CDH18: variants seen among roughly 807,000 people sequenced by gnomAD.
CDH18 encodes the protein cadherin-18.
In CDH18, 31 loss-of-function variants were observed where a neutral mutation model predicts 67.9. That is an observed-to-expected ratio of 0.46 (90% confidence interval 0.34 to 0.62). The LOEUF (loss-of-function observed/expected upper bound fraction) is 0.62, where lower values mean the gene tolerates loss of function less well. Among genes scored for constraint, CDH18 ranks in the 20% least tolerant of loss-of-function variants. The pLI is 0.01. For missense variants in CDH18, 890 were observed against 975.5 expected (o/e 0.91, Z 1.17); for synonymous variants, 362 against 347.2 (o/e 1.04, Z -0.48).
At chr5:20,387,332 G>C (rs1339832112) in intron 1 of CDH18, among the ~76,000 whole-genome samples, 1 of 152,110 alleles carries the variant, frequency 6.6e-6, no homozygotes, top group East Asian at 1.9e-4. Flanking sequence ...TGAAGCAACT[G>C]TGAATGGGAG....
intron 5 of CDH18, among the ~76,000 whole-genome samples, chr5:19,687,521 G>A (rs766332185): frequency 3.0e-4 from 45 of 152,260 alleles, no homozygotes; most frequent in South Asian, 8.3e-4. Context: ...AGCAAACTTC[G>A]TTGGCATAGG....
At chr5:19,885,591 G>C (rs1788106465) in intron 2 of CDH18, among the ~76,000 whole-genome samples, 1 of 152,110 alleles carries the variant, frequency 6.6e-6, no homozygotes. Context: ...ACAGGGTCTT[G>C]ATCTGTTTGC....
chr5:19,524,753 C>CT (rs986656884), intron 9 of CDH18, among the ~76,000 whole-genome samples: 10 of 151,872 alleles, frequency 6.6e-5, no homozygotes, highest in African/African-American at 9.7e-5. Flanking sequence ...ACTCTCTGCT[C>CT]TTTTTTTTCT....
intron 2 of CDH18, among the ~76,000 whole-genome samples, chr5:20,049,458 G>A (rs541066025): frequency 1.3e-5 from 2 of 151,302 alleles, no homozygotes; most frequent in East Asian, 3.9e-4. Context: ...CCCATGACAT[G>A]AGTTTACCTA....
chr5:19,852,795 G>A (rs1054937709), intron 2 of CDH18, among the ~76,000 whole-genome samples: 12 of 151,926 alleles, frequency 7.9e-5, no homozygotes, highest in Admixed American at 5.3e-4. Flanking sequence ...GTGAGAATTC[G>A]AATACTGGTT....
At chr5:19,834,440 T>C (rs1310192399) in intron 3 of CDH18, among the ~76,000 whole-genome samples, 1 of 128,954 alleles carries the variant, frequency 7.8e-6, no homozygotes, top group African/African-American at 2.9e-5. Flanking sequence ...TAGCTAACAG[T>C]CCATTTATTT....
intron 2 of CDH18, among the ~76,000 whole-genome samples, chr5:19,882,442 T>C (rs1207326470): frequency 6.6e-6 from 1 of 152,158 alleles, no homozygotes; most frequent in Non-Finnish European, 1.5e-5. Context: ...TTAATTTTCT[T>C]AGGATCATTA....
At chr5:20,245,325 C>T (rs533979280) in intron 2 of CDH18, among the ~76,000 whole-genome samples, 1 of 152,134 alleles carries the variant, frequency 6.6e-6, no homozygotes, top group Admixed American at 6.5e-5. Context: ...CATAAATATG[C>T]CTGAATTCAA....
Position 20,001,819 on chromosome 5 carries a change from A to G in CDH18, c.-517-9805T>C, listed in dbSNP as rs535305853. Among the ~76,000 whole-genome samples, 4 of 152,272 alleles carry G rather than the reference A, an allele frequency of 2.6e-5. No homozygotes were observed. In the South Asian group the frequency reaches 8.3e-4, roughly 32 times the overall value. On this transcript the variant is annotated intron_variant, in intron 2 of 14. Coordinates refer to the CDH18 transcript ENST00000507958. ...ACAGTGAAAATCAGGTTTTAAATTC[A>G]TTGTTCTGCTCAGCATTAGGCCCTC...
intron 5 of CDH18, among the ~76,000 whole-genome samples, chr5:19,672,629 T>C (rs1758908720): frequency 6.6e-6 from 1 of 152,056 alleles, no homozygotes; most frequent in Admixed American, 6.6e-5. Flanking sequence ...ATGGTATTAA[T>C]ATCCTAACAG....
At chr5:19,782,987 T>G (rs1353111246) in intron 3 of CDH18, among the ~76,000 whole-genome samples, 15 of 152,188 alleles carry the variant, frequency 9.9e-5, no homozygotes, top group Admixed American at 9.8e-4. Flanking sequence ...TCTCTACCCT[T>G]GGGAGAAGTT....
intron 1 of CDH18, among the ~76,000 whole-genome samples, chr5:20,279,371 C>CA (rs60260269): frequency 0.039 from 5,987 of 152,056 alleles, 362 homozygotes; most frequent in East Asian, 0.28. Flanking sequence ...AATATACACT[C>CA]ACCCCACACT....
At chr5:20,481,944 A>G (rs1752837247) in intron 1 of CDH18, among the ~76,000 whole-genome samples, 2 of 152,030 alleles carry the variant, frequency 1.3e-5, no homozygotes, top group South Asian at 4.1e-4. Context: ...AAAAAGGAAT[A>G]ATAAATATCA....
intron 2 of CDH18, among the ~76,000 whole-genome samples, chr5:19,907,028 G>T (rs1579530606): frequency 6.6e-6 from 1 of 152,038 alleles, no homozygotes; most frequent in Admixed American, 6.5e-5. Flanking sequence ...CTACTCTAAG[G>T]TATCTAAAAT....
At chr5:20,159,258 C>T (rs552210424) in intron 2 of CDH18, among the ~76,000 whole-genome samples, 11 of 152,074 alleles carry the variant, frequency 7.2e-5, no homozygotes, top group African/African-American at 2.2e-4. Flanking sequence ...ATGACTAAGT[C>T]GGGAGTTTGG....
At chr5:19,596,475 T>A (rs771224911) in intron 6 of CDH18, among the ~76,000 whole-genome samples, 14 of 152,204 alleles carry the variant, frequency 9.2e-5, no homozygotes, top group Non-Finnish European at 1.9e-4. Flanking sequence ...AATTAACCAC[T>A]ATTACATAAG....
chr5:19,721,500 A>G (rs1766097266), intron 4 of CDH18, 34 bp from the exon 5 acceptor site: 2 of 1,592,516 alleles, frequency 1.3e-6, no homozygotes, highest in Non-Finnish European at 8.6e-7. Flanking sequence ...TTAGTGTGTG[A>G]TGGCATTTAG....
In CDH18 at chr5:19,838,922, C is replaced by A. The variant is rs747314650; in HGVS notation, c.65G>T (p.Cys22Phe). 2.5e-6 allele frequency: 4 copies of A among 1,614,004 alleles called. No individual in the cohort carries two copies. The South Asian group carries it at 4.4e-5, about 18-fold the overall frequency. The change falls in exon 3 of 13, where the codon TGT (cysteine) becomes TTT (phenylalanine). Residue 22 changes from cysteine (C) to phenylalanine (F), a missense_variant. Coordinates refer to ENST00000382275, the MANE Select transcript of CDH18 (RefSeq NM_004934.5). ...GGAGCTGTGGTGAGCAGTTCCATAA[C>A]ACCTCTGCACAAAACAGAGACACAC... is the stretch of plus-strand genomic sequence containing the variant. Reference protein sequence around the residue: ...VLVCLCFVQRCYGTAHHSSIK... With the variant: ...VLVCLCFVQRFYGTAHHSSIK...
rs1230539893 is a variant in CDH18, at chr5:19,571,831, G to C, written c.1001C>G (p.Pro334Arg). The C allele has an allele frequency of 1.2e-6, 2 of 1,602,180 alleles. No homozygotes were observed. Among genetic ancestry groups the C allele is most frequent in the South Asian group, 2.2e-5 (2 of 89,538 alleles). The change falls in exon 8 of 13, where the codon CCA (proline) becomes CGA (arginine). Residue 334 changes from proline (P) to arginine (R), a missense_variant and splice_region_variant. Physicochemically the swap from Pro to Arg is moderately radical, Grantham distance 103 (BLOSUM62 -2). Around this residue, in one of 2 missense-constraint regions of CDH18, gnomAD observed 656 missense variants for 668.1 expected, o/e 0.98. Transcript: ENST00000382275. ...TGACTTCTTTTTCTCATAGTTCAGT[G>C]GCTGTGGGGAAAAAAAATAAGATTA... Reference protein sequence around the residue: ...TREGILSLKKPLNYEKKKSYT... With the variant: ...TREGILSLKKRLNYEKKKSYT...
Sources: gnomAD v4.1 joint callset for allele counts (sites outside exome capture counted in the v4.1 genomes callset) on GRCh38, gnomAD v4.1.1 for gene constraint, gnomAD v4.1.1 regional missense constraint, MANE v1.5 for transcripts, NCBI Gene and HGNC (gene_info 2026-07-23, HGNC 2026-07-21) for gene names.